GRID2: variants seen among roughly 807,000 people sequenced by gnomAD.
GRID2 encodes the protein glutamate receptor ionotropic, delta-2.
Under a neutral mutation model 114.8 loss-of-function variants are expected in GRID2, and 33 were observed. The ratio of observed to expected loss-of-function variants is 0.29; its 90% CI spans 0.22 to 0.38. The LOEUF is 0.38. Among genes scored for constraint, GRID2 ranks in the 10% least tolerant of loss-of-function variants. GRID2 has a pLI of 1.00. For missense variants in GRID2, 1,184 were observed against 1,257.7 expected (o/e 0.94, Z 0.89); for synonymous variants, 505 against 449.9 (o/e 1.12, Z -1.55).
chr4:93,367,011 A>G (rs1465840439), intron 8 of GRID2, among the ~76,000 whole-genome samples: 3 of 151,990 alleles, frequency 2.0e-5, no homozygotes, highest in African/African-American at 4.8e-5. Flanking sequence ...GAATCAAAGT[A>G]TATTTCTACT....
intron 2 of GRID2, among the ~76,000 whole-genome samples, chr4:92,968,982 A>G (rs1427173584): frequency 6.6e-6 from 1 of 151,806 alleles, no homozygotes; most frequent in Admixed American, 6.6e-5. Context: ...CATGTGTTCA[A>G]AAATAAGGCT....
At chr4:92,344,869 A>T (rs761549432) in intron 1 of GRID2, among the ~76,000 whole-genome samples, 2 of 152,056 alleles carry the variant, frequency 1.3e-5, no homozygotes, top group Non-Finnish European at 2.9e-5. Context: ...AAATGTAGGG[A>T]GTTAGATACC....
rs2149470237 is a variant in GRID2 at position 93,207,576 on chromosome 4, TACTG to T, written c.789+121_789+124del. ...CAAAACTTGAAGTAAACATTCAACT[TACTG>T]AGTGAATGCTGTTTAACAAAGATAG... On this transcript the variant is annotated intron_variant, in intron 5 of 15. Coordinates refer to ENST00000282020, the MANE Select transcript of GRID2 (RefSeq NM_001510.4). The T allele has an allele frequency of 2.0e-5, 13 of 660,904 alleles. No individual in the cohort carries two copies. The South Asian group carries it at 2.4e-4, about 12-fold the overall frequency. The allele number at this position is 660,904 out of a possible 1,614,324, so 40.9% of individuals were successfully genotyped here.
chr4:93,787,186 G>T (rs993050580), intron 1 of GRID2, among the ~76,000 whole-genome samples: 1 of 151,878 alleles, frequency 6.6e-6, no homozygotes. Context: ...AACCTGACCC[G>T]GAAGTAGTGC....
chr4:92,904,523 G>C (rs1747810185), intron 2 of GRID2, among the ~76,000 whole-genome samples: 1 of 151,874 alleles, frequency 6.6e-6, no homozygotes, highest in Admixed American at 6.6e-5. Flanking sequence ...TTAGCAGCCA[G>C]AGCATGAAGC....
chr4:93,483,382 T>C (rs1200388030), intron 11 of GRID2, among the ~76,000 whole-genome samples: 2 of 151,950 alleles, frequency 1.3e-5, no homozygotes, highest in African/African-American at 2.4e-5. Context: ...TTTTCTCCCA[T>C]TTTTTTCTAA....
Position 93,346,098 on chromosome 4 carries a change from G to A in GRID2, c.1246-49509G>A, listed in dbSNP as rs572871384. Among the ~76,000 whole-genome samples the A allele has an allele frequency of 2.6e-5, 4 of 152,082 alleles. No individual in the cohort carries two copies. In the East Asian group the frequency reaches 7.8e-4, roughly 30 times the overall value. On this transcript the variant is annotated intron_variant, in intron 8 of 15. Coordinates refer to ENST00000282020, the MANE Select transcript of GRID2 (RefSeq NM_001510.4). ...ACTGTGATTCCCCCAGCTATTTTTT[G>A]CCAAAGATTGCTTTGACTATTTGGG...
chr4:92,922,827 A>G (rs938809881), intron 2 of GRID2, among the ~76,000 whole-genome samples: 1 of 152,186 alleles, frequency 6.6e-6, no homozygotes, highest in African/African-American at 2.4e-5. Context: ...ATTTCATTCA[A>G]AACATCAGAA....
intron 1 of GRID2, among the ~76,000 whole-genome samples, chr4:92,531,965 T>G (rs1725380628): frequency 2.0e-5 from 3 of 152,156 alleles, no homozygotes; most frequent in Admixed American, 2.0e-4. Flanking sequence ...TATGCCAATG[T>G]GTGTGTAGGA....
chr4:92,941,487 C>G (rs1328848549), intron 2 of GRID2, among the ~76,000 whole-genome samples: 1 of 152,072 alleles, frequency 6.6e-6, no homozygotes, highest in Non-Finnish European at 1.5e-5. Flanking sequence ...TGCTAGTGTT[C>G]TATCAATTTT....
At chr4:93,009,637 C>T (rs1023783633) in intron 2 of GRID2, among the ~76,000 whole-genome samples, 1 of 151,996 alleles carries the variant, frequency 6.6e-6, no homozygotes, top group Non-Finnish European at 1.5e-5. Context: ...ATCCCCTCTC[C>T]CACAATATCT....
chr4:93,416,064 T>C lies in GRID2; in HGVS notation c.1348-6707T>C, dbSNP rs146929038. Among the ~76,000 whole-genome samples the C allele has an allele frequency of 8.0e-3, 1,217 of 152,154 alleles. 11 individuals are homozygous for C. Among genetic ancestry groups the C allele is most frequent in the African/African-American group, 0.028 (1,172 of 41,558 alleles). On this transcript the variant is annotated intron_variant, in intron 9 of 15. Coordinates refer to ENST00000282020, the MANE Select transcript of GRID2 (RefSeq NM_001510.4). ...TTTTTAAAAATGTTTTCATTGCATA[T>C]CCCGATGATCTGCTTTTCTTCTCTC...
chr4:92,352,262 A>G (rs749928075), intron 1 of GRID2, among the ~76,000 whole-genome samples: 7 of 151,410 alleles, frequency 4.6e-5, no homozygotes, highest in Non-Finnish European at 7.4e-5. Flanking sequence ...TATTTTTTTC[A>G]TTTACCTGTT....
intron 10 of GRID2, among the ~76,000 whole-genome samples, chr4:93,437,649 AAAATT>A (rs1030448832): frequency 6.6e-6 from 1 of 152,170 alleles, no homozygotes; most frequent in African/African-American, 2.4e-5. Context: ...CTTTCCATAA[AAAATT>A]AAAACTTTTA....
rs142085009 is a variant in GRID2 at position 92,549,876 on chromosome 4, G to A, written c.89-40255G>A. ...TGAGAAGAAATACTAATGTAATCTA[G>A]TAACTCTTTATTCTCTTAATGAGGT... On this transcript the variant is annotated intron_variant, in intron 1 of 15. Transcript: ENST00000282020. 4.9e-3 allele frequency among the ~76,000 whole-genome samples: 747 copies of A among 152,176 alleles called. 4 individuals carry two copies. Among genetic ancestry groups the A allele is most frequent in the African/African-American group, 0.017 (709 of 41,520 alleles).
At chr4:92,334,268 T>C (rs1048949571) in intron 1 of GRID2, among the ~76,000 whole-genome samples, 3 of 152,204 alleles carry the variant, frequency 2.0e-5, no homozygotes, top group Non-Finnish European at 4.4e-5. Flanking sequence ...ATTTAGGCTC[T>C]TGTTACAGCT....
chr4:93,075,883 C>CTCTTTTTTTTTTTTTT (rs1490779668), intron 2 of GRID2, among the ~76,000 whole-genome samples: 3 of 76,606 alleles, frequency 3.9e-5, no homozygotes, highest in African/African-American at 1.6e-4. Context: ...AGTTACCTCT[C>CTCTTTTTTTTTTTTTT]TTTTTTTTTT....
chr4:92,511,696 G>A (rs1423705727), intron 1 of GRID2, among the ~76,000 whole-genome samples: 4 of 151,882 alleles, frequency 2.6e-5, no homozygotes. Context: ...CAGTTCAAGA[G>A]AGGAAGGAAA....
chr4:93,335,196 G>T (rs766737463), intron 8 of GRID2, among the ~76,000 whole-genome samples: 20 of 152,104 alleles, frequency 1.3e-4, no homozygotes, highest in Non-Finnish European at 2.6e-4. Context: ...AAAATTTTGT[G>T]TGATATTCAC....
Sources: allele counts gnomAD v4.1 joint callset (sites outside exome capture counted in the v4.1 genomes callset), GRCh38; gene constraint gnomAD v4.1.1; transcripts MANE v1.5; gene names NCBI Gene and HGNC (gene_info 2026-07-23, HGNC 2026-07-21).